Variants in SLC44A5 observed in about 807,000 individuals in gnomAD.
SLC44A5 encodes the protein choline transporter-like protein 5.
A neutral mutation model predicts 101.8 loss-of-function variants in SLC44A5; 57 were observed. The ratio of observed to expected loss-of-function variants is 0.56; its 90% CI spans 0.45 to 0.70. SLC44A5 has a LOEUF of 0.70. Ranked by LOEUF, SLC44A5 falls within the 30% of genes least tolerant of loss-of-function variation. The pLI is 0.00. For synonymous variants in SLC44A5, 281 were observed against 290.9 expected (o/e 0.97, Z 0.35); for missense variants, 737 against 853.1 (o/e 0.86, Z 1.70).
At chr1:75,503,027 C>G (rs1669051847) in intron 2 of SLC44A5, among the ~76,000 whole-genome samples, 2 of 152,094 alleles carry the variant, frequency 1.3e-5, no homozygotes, top group African/African-American at 4.8e-5. Flanking sequence ...GATAAACATA[C>G]TCTGACAATT....
chr1:75,434,845 T>C (rs956694066), intron 2 of SLC44A5, among the ~76,000 whole-genome samples: 3 of 152,266 alleles, frequency 2.0e-5, no homozygotes, highest in East Asian at 3.9e-4. Flanking sequence ...TTTCACCTTC[T>C]CCATAAATTT....
chr1:75,260,446 A>G (rs1650393934), intron 6 of SLC44A5, among the ~76,000 whole-genome samples: 1 of 152,176 alleles, frequency 6.6e-6, no homozygotes, highest in Admixed American at 6.5e-5. Flanking sequence ...ACATACTGGT[A>G]AAGGGGTCAA....
chr1:75,446,504 C>A lies in SLC44A5; in HGVS notation c.14-49883G>T, dbSNP rs566002354. ...AAAAAACCCTGTCTTCTTTATCTCTCCCTCTTTATTATGCTTTATTTTTCT... is the reference window on the plus strand; with the variant it reads ...AAAAAACCCTGTCTTCTTTATCTCTACCTCTTTATTATGCTTTATTTTTCT... On this transcript the variant is annotated intron_variant, in intron 2 of 23. Coordinates refer to ENST00000370859, the MANE Select transcript of SLC44A5 (RefSeq NM_001130058.2). Among the ~76,000 whole-genome samples, 19 of 152,214 alleles carry A rather than the reference C, an allele frequency of 1.2e-4. No homozygotes were observed. The South Asian group carries it at 3.9e-3, about 32-fold the overall frequency.
chr1:75,634,612 G>A, the SLC44A5 span, among the ~76,000 whole-genome samples: 6 of 151,600 alleles, frequency 4.0e-5, no homozygotes, highest in Admixed American at 6.6e-5. Context: ...CTAGACATAT[G>A]TAGAAAGCTG....
At chr1:75,312,241 G>A (rs758509958) in intron 4 of SLC44A5, among the ~76,000 whole-genome samples, 4 of 152,198 alleles carry the variant, frequency 2.6e-5, no homozygotes, top group South Asian at 2.1e-4. Flanking sequence ...TATGTGGAAC[G>A]GAGTCAATTA....
At position 75,300,630 on chromosome 1, in the gene SLC44A5, T is replaced by C. The variant is rs769783740; in HGVS notation, c.157A>G (p.Ile53Val). 1 of 1,604,498 alleles carries C rather than the reference T, an allele frequency of 6.2e-7. No homozygotes were observed. The highest frequency in any genetic ancestry group is 1.7e-4 in the Middle Eastern group (1 of 6,030). Residue 53 changes from isoleucine to valine, a missense_variant, in exon 5 of 24, where the codon ATT becomes GTT. Coordinates refer to ENST00000370859, the MANE Select transcript of SLC44A5 (RefSeq NM_001130058.2). ...MIFLLCIIGY[I>V]VLGLVAWVHG... is the part of the protein sequence containing the mutation. ...TACTCACCCACAAGTCCTAAAACAATGTAGCCAATAATACACAGTAGGAAG... is the reference window on the plus strand; with the variant it reads ...TACTCACCCACAAGTCCTAAAACAACGTAGCCAATAATACACAGTAGGAAG...
chr1:75,484,706 G>T (rs938642652), intron 2 of SLC44A5, among the ~76,000 whole-genome samples: 3 of 152,160 alleles, frequency 2.0e-5, no homozygotes, highest in African/African-American at 7.2e-5. Context: ...CTCCACAAGG[G>T]TTCCACCCCA....
At chr1:75,558,571 T>C (rs904055443) in intron 1 of SLC44A5, among the ~76,000 whole-genome samples, 8 of 152,126 alleles carry the variant, frequency 5.3e-5, no homozygotes, top group Middle Eastern at 6.3e-3. Flanking sequence ...GTTGGTTAGC[T>C]GCTTTTTAAG....
intron 2 of SLC44A5, among the ~76,000 whole-genome samples, chr1:75,486,516 G>T (rs1385835044): frequency 6.6e-6 from 1 of 152,222 alleles, no homozygotes; most frequent in East Asian, 1.9e-4. Flanking sequence ...TATCTTTAAA[G>T]AAGGTAACTA....
At chr1:75,673,811 C>T in the SLC44A5 span, among the ~76,000 whole-genome samples, 18 of 152,252 alleles carry the variant, frequency 1.2e-4, no homozygotes, top group African/African-American at 4.3e-4. Context: ...CCTAAGATCA[C>T]CAGGGTAGTA....
intron 3 of SLC44A5, among the ~76,000 whole-genome samples, chr1:75,363,247 C>T (rs1659623318): frequency 2.0e-5 from 3 of 151,876 alleles, no homozygotes. Context: ...ATTTTTTTAA[C>T]CCAACCAGTC....
intron 6 of SLC44A5, among the ~76,000 whole-genome samples, chr1:75,274,258 C>T (rs1270700495): frequency 1.3e-5 from 2 of 151,446 alleles, no homozygotes; most frequent in African/African-American, 2.4e-5. Flanking sequence ...AGCAACCACC[C>T]CAGGTTTCCA....
At chr1:75,635,065 C>T in the SLC44A5 span, among the ~76,000 whole-genome samples, 16 of 150,286 alleles carry the variant, frequency 1.1e-4, no homozygotes, top group East Asian at 6.1e-4. Flanking sequence ...AAAATGCTCA[C>T]CATCACTGGC....
intron 3 of SLC44A5, among the ~76,000 whole-genome samples, chr1:75,363,286 C>A (rs1659627408): frequency 6.6e-6 from 1 of 151,924 alleles, no homozygotes; most frequent in South Asian, 2.1e-4. Context: ...ATAATTTAAT[C>A]TATTTACATT....
chr1:75,340,438 A>G (rs972547510), intron 3 of SLC44A5, among the ~76,000 whole-genome samples: 1 of 152,192 alleles, frequency 6.6e-6, no homozygotes, highest in Non-Finnish European at 1.5e-5. Context: ...ATTTGTCCCT[A>G]TAAAAAGGTC....
chr1:75,251,157 T>C, intron 7 of SLC44A5, 53 bp downstream of exon 7: 2 of 1,388,890 alleles, frequency 1.4e-6, no homozygotes, highest in Admixed American at 1.7e-5. Context: ...AATTCTTTTA[T>C]CCAAGAATGT....
At chr1:75,281,555 A>T (rs981944968) in intron 5 of SLC44A5, among the ~76,000 whole-genome samples, 1 of 149,156 alleles carries the variant, frequency 6.7e-6, no homozygotes, top group African/African-American at 2.4e-5. Context: ...TCTCCAGGGC[A>T]TGTCAAAGAC....
intron 3 of SLC44A5, among the ~76,000 whole-genome samples, chr1:75,342,874 C>CTTT (rs1038669854): frequency 1.3e-5 from 2 of 152,104 alleles, no homozygotes; most frequent in Non-Finnish European, 2.9e-5. Flanking sequence ...TACACCAAAA[C>CTTT]CAGTCAGATG....
chr1:75,351,499 A>G (rs930719063), intron 3 of SLC44A5, among the ~76,000 whole-genome samples: 1 of 152,308 alleles, frequency 6.6e-6, no homozygotes, highest in African/African-American at 2.4e-5. Flanking sequence ...TAAGCAGTGC[A>G]CAAAAAGAAC....
Sources: allele counts gnomAD v4.1 joint callset (sites outside exome capture counted in the v4.1 genomes callset), GRCh38; gene constraint gnomAD v4.1.1; transcripts MANE v1.5; gene names NCBI Gene and HGNC (gene_info 2026-07-23, HGNC 2026-07-21).